MAPK8IP2: variants seen among roughly 807,000 people sequenced by gnomAD.
MAPK8IP2 encodes the protein mitogen-activated protein kinase 8 interacting protein 2.
MAPK8IP2 carries 15 observed loss-of-function variants against 75.6 expected under a neutral mutation model. The ratio of observed to expected loss-of-function variants is 0.20; its 90% CI spans 0.13 to 0.31. MAPK8IP2 has a LOEUF of 0.31. Among genes scored for constraint, MAPK8IP2 ranks in the 10% least tolerant of loss-of-function variants. MAPK8IP2 has a pLI of 1.00. For synonymous variants in MAPK8IP2, 632 were observed against 554.5 expected, an observed-to-expected ratio of 1.14 and a Z score of -1.96; for missense variants, 1,089 against 1,211.2, an observed-to-expected ratio of 0.90 and a Z score of 1.50.
At position 50,611,496 on chromosome 22, in the gene MAPK8IP2, T is replaced by G. The variant is rs2071150543; in HGVS notation, c.*717T>G. On this transcript the variant is annotated 3_prime_UTR_variant, in exon 12 of 12. Transcript: ENST00000329492. This position sits in a 1 kb window ranked among gnomAD's most constrained non-coding sequence, Gnocchi z 5.5. ...GTGCATCCACCCCACGCACGCCCCGTGCTGTGTTCCTGGGCCCTGCCCATG... is the reference window on the plus strand; with the variant it reads ...GTGCATCCACCCCACGCACGCCCCGGGCTGTGTTCCTGGGCCCTGCCCATG... The G allele has an allele frequency of 6.6e-6, 1 of 152,328 alleles. No individual in the cohort carries two copies. The highest frequency in any genetic ancestry group is 2.1e-4 in the South Asian group (1 of 4,838). The allele number at this position is 152,328 out of a possible 1,614,324, so 9.4% of individuals were successfully genotyped here.
chr22:50,604,561 C>T lies in MAPK8IP2; in HGVS notation c.1262C>T (p.Ala421Val), dbSNP rs2071008347. ...ACGCTGTGCGCGCCGCCGCCGCCCG[C>T]GCCCGCCGCGCCTCGACCCGGCCCC... Reference protein sequence around the residue: ...METLCAPPPPAPAAPRPGPAQ... With the variant: ...METLCAPPPPVPAAPRPGPAQ... The change falls in exon 5 of 12, where the codon GCG becomes GTG. Residue 421 changes from alanine to valine, a missense_variant. Around this residue, in one of 2 missense-constraint regions of MAPK8IP2, gnomAD observed 960 missense variants for 1,009.6 expected, o/e 0.95. Transcript: ENST00000329492. 17 of 1,167,436 alleles carry T rather than the reference C, an allele frequency of 1.5e-5. No individual in the cohort carries two copies. Among genetic ancestry groups the T allele is most frequent in the Non-Finnish European group, 1.8e-5 (17 of 950,988 alleles). 72.3% of individuals were successfully genotyped at this position (1,167,436 alleles called of 1,614,324 possible).
chr22:50,609,952 G>T (rs1456113977), intron 10 of MAPK8IP2: 1 of 658,064 alleles, frequency 1.5e-6, no homozygotes, highest in Admixed American at 1.8e-5. Context: ...AGCAGCACCG[G>T]CTCAGAGAAG....
At chr22:50,602,939 A>G (rs961099294) in intron 2 of MAPK8IP2, among the ~76,000 whole-genome samples, 6 of 152,208 alleles carry the variant, frequency 3.9e-5, no homozygotes, top group African/African-American at 1.2e-4. Context: ...CTGGTGTCAA[A>G]TGTGATGGGG....
Position 50,603,493 on chromosome 22 carries a change from G to A in MAPK8IP2, c.442G>A (p.Ala148Thr), listed in dbSNP as rs780551535. The change falls in exon 3 of 12, where the codon GCC becomes ACC. Residue 148 changes from alanine to threonine, a missense_variant. Physicochemically the swap from Ala to Thr is moderately conservative, Grantham distance 58. This residue lies in a region of MAPK8IP2 where 960 missense variants were observed against 1,009.6 expected (regional missense o/e 0.95). Coordinates refer to ENST00000329492, the MANE Select transcript of MAPK8IP2 (RefSeq NM_012324.6). ...PTTLRLTTLGAQDSLNNNGGF... is the reference protein window; with the variant it reads ...PTTLRLTTLGTQDSLNNNGGF... ...CACCCTCCGTCTGACCACACTGGGG[G>A]CCCAGGTGAGTGCCCGGACCCACAG... 12 of 1,561,984 alleles carry A rather than the reference G, an allele frequency of 7.7e-6. No individual in the cohort carries two copies. The highest frequency in any genetic ancestry group is 1.0e-5 in the Non-Finnish European group (12 of 1,150,114).
In MAPK8IP2 at chr22:50,610,451, G is replaced by A; in HGVS notation, c.2402+141G>A. 1.3e-6 allele frequency: 1 copy of A among 785,242 alleles called. No individual in the cohort carries two copies. The highest frequency in any genetic ancestry group is 2.1e-6 in the Non-Finnish European group (1 of 474,718). The allele number at this position is 785,242 out of a possible 1,614,324, so 48.6% of individuals were successfully genotyped here. ...AGATGTGCTGTGTAGAGAGGGCAGT[G>A]GTGGGTGACAGTTTGGGGTGCTGGG... On this transcript the variant is annotated intron_variant, in intron 11 of 11. Transcript: ENST00000329492. The surrounding 1 kb of genome is among the most constrained non-coding windows in gnomAD (Gnocchi z 4.3).
rs1197749927 is a variant in MAPK8IP2, at chr22:50,604,476, G to A, written c.1177G>A (p.Asp393Asn). The A allele has an allele frequency of 3.8e-6, 5 of 1,312,924 alleles. No individual in the cohort carries two copies. The highest frequency in any genetic ancestry group is 3.9e-6 in the Non-Finnish European group (4 of 1,035,796). The allele number at this position is 1,312,924 out of a possible 1,614,324, so 81.3% of individuals were successfully genotyped here. The change falls in exon 5 of 12, where the codon GAC becomes AAC. Residue 393 changes from aspartate to asparagine, a missense_variant. Transcript: ENST00000329492. ...GTCGCCGGCCGGCGGGGCCGCCCAGGACTCCCAGGACCCCGAGGCGGCCGC... is the reference window on the plus strand; with the variant it reads ...GTCGCCGGCCGGCGGGGCCGCCCAGAACTCCCAGGACCCCGAGGCGGCCGC... Reference protein sequence around the residue: ...PVSPAGGAAQDSQDPEAAAGP... With the variant: ...PVSPAGGAAQNSQDPEAAAGP...
chr22:50,608,722 C>CCGGGACAGCGGACG (rs2071093270), intron 10 of MAPK8IP2, among the ~76,000 whole-genome samples: 1 of 69,234 alleles, frequency 1.4e-5, no homozygotes, highest in African/African-American at 5.4e-5. Context: ...ACAGTGGGCA[C>CCGGGACAGCGGACG]GGGCGCAGAC....
chr22:50,604,547 G>A lies in MAPK8IP2; in HGVS notation c.1248G>A (p.Ala416=). ...TGGTGGACATGGAGACGCTGTGCGC[G>A]CCGCCGCCGCCCGCGCCCGCCGCGC... The part of the protein sequence containing the change: ...VELVDMETLC[A]PPPPAPAAPR... The change falls in exon 5 of 12, where the codon GCG becomes GCA. Residue 416 remains alanine, a synonymous_variant. Coordinates refer to ENST00000329492, the MANE Select transcript of MAPK8IP2 (RefSeq NM_012324.6). 1.7e-6 allele frequency: 2 copies of A among 1,143,870 alleles called. No individual in the cohort carries two copies. Among genetic ancestry groups the A allele is most frequent in the Non-Finnish European group, 2.1e-6 (2 of 935,722 alleles). The allele number at this position is 1,143,870 out of a possible 1,614,324, so 70.9% of individuals were successfully genotyped here.
At chr22:50,600,958 C>A (rs1395330102) in intron 1 of MAPK8IP2, 75 bp downstream of exon 1, 2 of 474,052 alleles carry the variant, frequency 4.2e-6, no homozygotes, top group South Asian at 1.6e-4. Context: ...CCGGCCCGGA[C>A]CCCCGTCCCC....
intron 10 of MAPK8IP2, among the ~76,000 whole-genome samples, chr22:50,608,465 A>C (rs1050581411): frequency 1.0e-3 from 77 of 77,368 alleles, no homozygotes; most frequent in Non-Finnish European, 1.3e-3. Flanking sequence ...GACAGCAGGG[A>C]CAGCTCTGGG....
Position 50,600,868 on chromosome 22 carries a change from C to A in MAPK8IP2, c.50C>A (p.Ser17Ter). Residue 17 changes from serine (S) to a stop codon, truncating the protein, a stop_gained, in exon 1 of 12, where the codon TCG becomes TAG. Transcript: ENST00000329492. LOFTEE classifies it high-confidence loss of function. Reference sequence around the variant, plus strand: ...TCTCTCTCCACCTTCCACTCGCTGTCGCCGCCGGGCTGCAGGTACCCCCCT... The same window carrying A: ...TCTCTCTCCACCTTCCACTCGCTGTAGCCGCCGGGCTGCAGGTACCCCCCT... ...MFSLSTFHSL[S>*]PPGCRPPQDI... The A allele has an allele frequency of 1.6e-6, 2 of 1,287,154 alleles. No homozygotes were observed. The highest frequency in any genetic ancestry group is 5.6e-5 in the East Asian group (1 of 17,938). The allele number at this position is 1,287,154 out of a possible 1,614,324, so 79.7% of individuals were successfully genotyped here.
At chr22:50,600,917 TCCG>T in intron 1 of MAPK8IP2, 34 bp downstream of exon 1, 1 of 1,044,896 alleles carries the variant, frequency 9.6e-7, no homozygotes, top group Non-Finnish European at 1.2e-6. Context: ...GGGCGGACCC[TCCG>T]CTCCCTGCGC....
Position 50,605,914 on chromosome 22 carries a change from C to T in MAPK8IP2, c.2104C>T (p.Leu702=). The T allele has an allele frequency of 6.3e-7, 1 of 1,579,714 alleles. No individual in the cohort carries two copies. Among genetic ancestry groups the T allele is most frequent in the South Asian group, 1.2e-5 (1 of 86,430 alleles). ...EVPCHQGNGI[L]CAAMQKIATA... ...GCCCTGCCACCAGGGCAACGGCATC[C>T]TGTGTGCAGCCATGCAGAAGGTCAG... Residue 702 remains leucine (L), a synonymous_variant, in exon 8 of 12, where the codon CTG becomes TTG. Coordinates refer to ENST00000329492, the MANE Select transcript of MAPK8IP2 (RefSeq NM_012324.6).
rs751153190 is a variant in MAPK8IP2, at chr22:50,604,981, G to C, written c.1682G>C (p.Gly561Ala). 3.1e-6 allele frequency: 5 copies of C among 1,612,370 alleles called. No individual in the cohort carries two copies. The highest frequency in any genetic ancestry group is 4.2e-6 in the Non-Finnish European group (5 of 1,179,778). Residue 561 changes from glycine to alanine, a missense_variant, in exon 5 of 12, where the codon GGG becomes GCG. Gly to Ala is a moderately conservative substitution (Grantham distance 60). Around this residue, in one of 2 missense-constraint regions of MAPK8IP2, gnomAD observed 960 missense variants for 1,009.6 expected, o/e 0.95. Transcript: ENST00000329492. Reference sequence around the variant, plus strand: ...CTGCTAGGCGGCGGTCAGGTCTCGGGGGACACCTCGCCGGACAGCCCTGAC... The same window carrying C: ...CTGCTAGGCGGCGGTCAGGTCTCGGCGGACACCTCGCCGGACAGCCCTGAC... ...AALLGGGQVS[G>A]DTSPDSPDLT...
chr22:50,604,667 C>T lies in MAPK8IP2; in HGVS notation c.1368C>T (p.Ala456=), dbSNP rs1377127832. 1.3e-6 allele frequency: 2 copies of T among 1,522,594 alleles called. No individual in the cohort carries two copies. Among genetic ancestry groups the T allele is most frequent in the East Asian group, 5.0e-5 (2 of 40,142 alleles). 94.3% of individuals were successfully genotyped at this position (1,522,594 alleles called of 1,614,324 possible). ...CGCTGTGGGCCGCGCCCGGCCGCGCCGCCCGCCCGGGACGAGCCTGCTCCG... is the reference window on the plus strand; with the variant it reads ...CGCTGTGGGCCGCGCCCGGCCGCGCTGCCCGCCCGGGACGAGCCTGCTCCG... ...ITPLWAAPGR[A]ARPGRACSAA... The change falls in exon 5 of 12, where the codon GCC becomes GCT. Residue 456 remains alanine (A), a synonymous_variant. Coordinates refer to ENST00000329492, the MANE Select transcript of MAPK8IP2 (RefSeq NM_012324.6).
Position 50,610,582 on chromosome 22 carries a change from C to A in MAPK8IP2, c.2403-125C>A, listed in dbSNP as rs372272506. On this transcript the variant is annotated intron_variant, in intron 11 of 11. Coordinates refer to ENST00000329492, the MANE Select transcript of MAPK8IP2 (RefSeq NM_012324.6). The surrounding 1 kb of genome is among the most constrained non-coding windows in gnomAD (Gnocchi z 4.3). ...CACACTTGGGGGTGACATGGCCATG[C>A]CTGGGTGGGGGGTTATGGATGGCTG... 3.8e-6 allele frequency: 3 copies of A among 799,124 alleles called. No individual in the cohort carries two copies. The highest frequency in any genetic ancestry group is 5.3e-5 in the East Asian group (2 of 37,500). The allele number at this position is 799,124 out of a possible 1,614,324, so 49.5% of individuals were successfully genotyped here.
intron 10 of MAPK8IP2, chr22:50,609,655 C>T (rs980530006): frequency 6.5e-5 from 28 of 431,440 alleles, no homozygotes; most frequent in African/African-American, 1.8e-4. Context: ...TCCCTCTGGA[C>T]GACGATTTTT....
chr22:50,610,444 G>A lies in MAPK8IP2; in HGVS notation c.2402+134G>A, dbSNP rs1393259834. 1.3e-6 allele frequency: 1 copy of A among 798,536 alleles called. No homozygotes were observed. The highest frequency in any genetic ancestry group is 2.1e-6 in the Non-Finnish European group (1 of 485,778). The allele number at this position is 798,536 out of a possible 1,614,324, so 49.5% of individuals were successfully genotyped here. On this transcript the variant is annotated intron_variant, in intron 11 of 11. Transcript: ENST00000329492. The surrounding 1 kb of genome is among the most constrained non-coding windows in gnomAD (Gnocchi z 4.3). ...GAGAACCAGATGTGCTGTGTAGAGA[G>A]GGCAGTGGTGGGTGACAGTTTGGGG...
rs1438212573 is a variant in MAPK8IP2, at chr22:50,604,319, C to T, written c.1020C>T (p.Asp340=). 1.3e-6 allele frequency: 2 copies of T among 1,542,410 alleles called. No homozygotes were observed. The highest frequency in any genetic ancestry group is 3.9e-5 in the Admixed American group (2 of 51,882). The part of the protein sequence containing the change: ...EYESGSESEP[D]LSEDADSPWL... ...AGTCGGGGTCGGAGTCGGAGCCGGA[C>T]CTCAGCGAGGACGCGGACTCGCCCT... Residue 340 remains aspartate (D), a synonymous_variant, in exon 5 of 12, where the codon GAC becomes GAT. Transcript: ENST00000329492.
Sources: gnomAD v4.1 joint callset for allele counts (sites outside exome capture counted in the v4.1 genomes callset) on GRCh38, gnomAD v4.1.1 for gene constraint, gnomAD v4.1.1 regional missense constraint, Gnocchi (gnomAD v3.1) non-coding constraint, MANE v1.5 for transcripts, NCBI Gene and HGNC (gene_info 2026-07-23, HGNC 2026-07-21) for gene names.